DIXDC1: variants seen among roughly 807,000 people sequenced by gnomAD.
The protein encoded by DIXDC1 is DIX domain containing 1.
DIXDC1 carries 64 observed loss-of-function variants against 103.1 expected under a neutral mutation model. The observed-to-expected ratio is 0.62, with a 90% CI of 0.51 to 0.76. The LOEUF (loss-of-function observed/expected upper bound fraction) is 0.76. DIXDC1 is among the 30% of genes least tolerant of loss of function. The pLI, the probability that DIXDC1 is intolerant of heterozygous loss-of-function variation, is 0.00. For synonymous variants in DIXDC1, 266 were observed against 298.5 expected, an observed-to-expected ratio of 0.89 and a Z score of 1.12; for missense variants, 759 against 834.2, an observed-to-expected ratio of 0.91 and a Z score of 1.11.
intron 4 of DIXDC1, 38 bp from the exon 5 acceptor site, chr11:111,974,838 A>C: frequency 6.2e-7 from 1 of 1,603,738 alleles, no homozygotes; most frequent in Non-Finnish European, 8.5e-7. Flanking sequence ...GATCTGAAGG[A>C]CTGACACCTT....
Position 111,980,868 on chromosome 11 carries a change from C to T in DIXDC1, c.769+19C>T, listed in dbSNP as rs1860277841. The T allele has an allele frequency of 6.2e-7, 1 of 1,601,766 alleles. No homozygotes were observed. Among genetic ancestry groups the T allele is most frequent in the Non-Finnish European group, 8.5e-7 (1 of 1,169,652 alleles). On this transcript the variant is annotated intron_variant, in intron 6 of 19. Coordinates refer to ENST00000440460, the MANE Select transcript of DIXDC1 (RefSeq NM_001037954.4). ...AGAACAGGTACTATCTCTACGCCTGCCTGGGCTGGTTCAAGGAACAGTCAG... is the reference window on the plus strand; with the variant it reads ...AGAACAGGTACTATCTCTACGCCTGTCTGGGCTGGTTCAAGGAACAGTCAG...
rs587620947 is a variant in DIXDC1 at position 111,938,368 on chromosome 11, G to C, written c.60+809G>C. ...TCGACTGCAGCTAAGCCCTACTCTTGCGGGTTGTCTTAGCCCAGCATCCAG... is the reference window on the plus strand; with the variant it reads ...TCGACTGCAGCTAAGCCCTACTCTTCCGGGTTGTCTTAGCCCAGCATCCAG... On this transcript the variant is annotated intron_variant, in intron 1 of 19. Transcript: ENST00000440460. Among the ~76,000 whole-genome samples the C allele has an allele frequency of 2.6e-4, 40 of 152,304 alleles. No individual in the cohort carries two copies. The East Asian group carries it at 5.4e-3, about 21-fold the overall frequency.
intron 19 of DIXDC1, among the ~76,000 whole-genome samples, chr11:112,018,722 T>C (rs934595235): frequency 5.3e-5 from 8 of 152,214 alleles, no homozygotes; most frequent in Non-Finnish European, 7.3e-5. Context: ...TATTAATTCT[T>C]ACAAATCTCT....
chr11:111,983,395 C>G (rs1860387235), intron 7 of DIXDC1, among the ~76,000 whole-genome samples: 1 of 151,994 alleles, frequency 6.6e-6, no homozygotes, highest in East Asian at 1.9e-4. Context: ...AACGTATGCC[C>G]CAGGAACTGA....
intron 1 of DIXDC1, among the ~76,000 whole-genome samples, chr11:111,962,560 T>C (rs1484083224): frequency 1.3e-5 from 2 of 151,958 alleles, no homozygotes; most frequent in Non-Finnish European, 2.9e-5. Context: ...CTGTACATAA[T>C]TCAGATGAGC....
intron 1 of DIXDC1, among the ~76,000 whole-genome samples, chr11:111,951,417 C>A (rs1283412398): frequency 2.6e-5 from 4 of 151,962 alleles, no homozygotes; most frequent in African/African-American, 9.7e-5. Context: ...TACTGTATAC[C>A]TATAAAAATC....
At chr11:111,971,054 A>G (rs1859906450) in intron 3 of DIXDC1, among the ~76,000 whole-genome samples, 1 of 152,222 alleles carries the variant, frequency 6.6e-6, no homozygotes, top group Non-Finnish European at 1.5e-5. Flanking sequence ...ACCCTACTTG[A>G]TATTGGCATT....
chr11:112,015,402 A>C (rs1555177599), intron 17 of DIXDC1: 1 of 152,206 alleles, frequency 6.6e-6, no homozygotes, highest in East Asian at 1.9e-4. Context: ...GAGATATTTT[A>C]GTAACAGTTT....
At position 111,964,624 on chromosome 11, in the gene DIXDC1, C is replaced by A; in HGVS notation, c.136C>A (p.Leu46Met). 4 of 1,612,386 alleles carry A rather than the reference C, an allele frequency of 2.5e-6. No individual in the cohort carries two copies. Among genetic ancestry groups the A allele is most frequent in the Non-Finnish European group, 3.4e-6 (4 of 1,179,360 alleles). Residue 46 changes from leucine to methionine, a missense_variant, in exon 2 of 20, where the codon CTG (leucine) becomes ATG (methionine). Transcript: ENST00000440460. ...GCCAGCAGTGAAGCCTGTGCAGGACCTGCGACAAGATCTCCGGGATGGGGT... is the reference window on the plus strand; with the variant it reads ...GCCAGCAGTGAAGCCTGTGCAGGACATGCGACAAGATCTCCGGGATGGGGT... Reference protein sequence around the residue: ...KRPAVKPVQDLRQDLRDGVIL... With the variant: ...KRPAVKPVQDMRQDLRDGVIL...
At chr11:111,980,141 T>A (rs1332728243) in intron 5 of DIXDC1, among the ~76,000 whole-genome samples, 1 of 152,218 alleles carries the variant, frequency 6.6e-6, no homozygotes, top group Non-Finnish European at 1.5e-5. Context: ...TCTAGCTCAA[T>A]TACTGATATA....
chr11:111,961,391 G>A (rs1859572789), intron 1 of DIXDC1, among the ~76,000 whole-genome samples: 1 of 152,118 alleles, frequency 6.6e-6, no homozygotes, highest in Admixed American at 6.6e-5. Flanking sequence ...TTACTGTTTG[G>A]GTAACCATGA....
chr11:111,952,714 G>A (rs1555170161), intron 1 of DIXDC1, among the ~76,000 whole-genome samples: 1 of 151,982 alleles, frequency 6.6e-6, no homozygotes, highest in Non-Finnish European at 1.5e-5. Context: ...CAGCTACTTA[G>A]GAGGCCGAGG....
chr11:112,012,181 CT>C (rs1471251555), intron 17 of DIXDC1, among the ~76,000 whole-genome samples: 1 of 152,162 alleles, frequency 6.6e-6, no homozygotes, highest in Admixed American at 6.5e-5. Flanking sequence ...TCCTACCAGG[CT>C]TTTGTAGATA....
chr11:111,971,800 A>T lies in DIXDC1; in HGVS notation c.317-2223A>T, dbSNP rs587705426. Among the ~76,000 whole-genome samples the T allele has an allele frequency of 3.9e-5, 6 of 152,200 alleles. No individual in the cohort carries two copies. The South Asian group carries it at 1.2e-3, about 32-fold the overall frequency. ...GATACTATGCAGCTATAAAAAAAAAATTCATGTCCTTTGCTGCAACATGGA... is the reference window on the plus strand; with the variant it reads ...GATACTATGCAGCTATAAAAAAAAATTTCATGTCCTTTGCTGCAACATGGA... On this transcript the variant is annotated intron_variant, in intron 3 of 19. Transcript: ENST00000440460.
intron 2 of DIXDC1, among the ~76,000 whole-genome samples, chr11:111,931,144 G>A (rs1408830599): frequency 2.6e-5 from 4 of 151,840 alleles, no homozygotes; most frequent in Non-Finnish European, 5.9e-5. Context: ...GTGAGCCATC[G>A]TGACTGGCCG....
chr11:111,946,785 C>G (rs1966613328), intron 1 of DIXDC1: 5 of 490,036 alleles, frequency 1.0e-5, no homozygotes, highest in Non-Finnish European at 2.0e-5. Flanking sequence ...TCCCAACCTT[C>G]TTGGTATGAA....
At chr11:111,941,503 C>T (rs1311366581) in intron 1 of DIXDC1, among the ~76,000 whole-genome samples, 1 of 151,940 alleles carries the variant, frequency 6.6e-6, no homozygotes, top group Non-Finnish European at 1.5e-5. Context: ...AAGATTCATC[C>T]GCTTGGCAGT....
chr11:111,955,827 C>G (rs1859335011), intron 1 of DIXDC1, among the ~76,000 whole-genome samples: 1 of 98,092 alleles, frequency 1.0e-5, no homozygotes, highest in Non-Finnish European at 1.8e-5. Context: ...GAGTGAGACT[C>G]TAGCTCAAAA....
Position 111,977,569 on chromosome 11 carries a change from C to T in DIXDC1, c.656+2586C>T, listed in dbSNP as rs1860151619. 5.4e-6 allele frequency: 8 copies of T among 1,491,274 alleles called. No individual in the cohort carries two copies. In the East Asian group the frequency reaches 1.8e-4, roughly 33 times the overall value. The allele number at this position is 1,491,274 out of a possible 1,614,324, so 92.4% of individuals were successfully genotyped here. On this transcript the variant is annotated intron_variant, in intron 5 of 19. Transcript: ENST00000440460. This position sits in a 1 kb window ranked among gnomAD's most constrained non-coding sequence, Gnocchi z 6.1. ...TTCAGAGCCTGGAGCATCCCAGTCGCTGGGGCCGAGACGCCGCCGCCGCCG... is the reference window on the plus strand; with the variant it reads ...TTCAGAGCCTGGAGCATCCCAGTCGTTGGGGCCGAGACGCCGCCGCCGCCG...
Sources: gnomAD v4.1 joint callset for allele counts (sites outside exome capture counted in the v4.1 genomes callset) on GRCh38, gnomAD v4.1.1 for gene constraint, Gnocchi (gnomAD v3.1) non-coding constraint, MANE v1.5 for transcripts, NCBI Gene and HGNC (gene_info 2026-07-23, HGNC 2026-07-21) for gene names.